GRID1: variants seen among roughly 807,000 people sequenced by gnomAD.
GRID1 encodes the protein glutamate ionotropic receptor delta type subunit 1, also known as glutamate receptor ionotropic, delta-1.
A neutral mutation model predicts 98.0 loss-of-function variants in GRID1; 28 were observed. The observed-to-expected ratio is 0.29, with a 90% confidence interval of 0.21 to 0.39. The LOEUF (loss-of-function observed/expected upper bound fraction) is 0.39. Among genes scored for constraint, GRID1 ranks in the 10% least tolerant of loss-of-function variants. The pLI is 1.00. For missense variants in GRID1, 1,111 were observed against 1,340.5 expected (o/e 0.83, Z 2.67); for synonymous variants, 553 against 538.5 (o/e 1.03, Z -0.37).
chr10:85,712,488 G>A (rs1377281123), intron 12 of GRID1, among the ~76,000 whole-genome samples: 1 of 151,742 alleles, frequency 6.6e-6, no homozygotes, highest in Non-Finnish European at 1.5e-5. Context: ...GGACATCAAT[G>A]CCCCACTTTC....
intron 4 of GRID1, among the ~76,000 whole-genome samples, chr10:86,006,612 G>A (rs1164304509): frequency 3.3e-5 from 5 of 150,738 alleles, no homozygotes; most frequent in Admixed American, 6.6e-5. Context: ...GCGAGACGCC[G>A]TCTAAAAAAA....
intron 15 of GRID1, among the ~76,000 whole-genome samples, chr10:85,608,920 A>T (rs1424923307): frequency 6.6e-6 from 1 of 152,194 alleles, no homozygotes; most frequent in Admixed American, 6.5e-5. Context: ...TTCTCAGGCC[A>T]GGCTGTTTCC....
At chr10:86,262,582 C>A (rs1847032664) in intron 2 of GRID1, among the ~76,000 whole-genome samples, 2 of 152,184 alleles carry the variant, frequency 1.3e-5, no homozygotes, top group Non-Finnish European at 2.9e-5. Context: ...CACCCCCAAG[C>A]GTTCTCTTAT....
At chr10:85,767,710 G>A (rs1354605354) in intron 8 of GRID1, among the ~76,000 whole-genome samples, 2 of 152,176 alleles carry the variant, frequency 1.3e-5, no homozygotes, top group Non-Finnish European at 2.9e-5. Flanking sequence ...TTGACAGCTG[G>A]CAATTTCCTC....
At chr10:86,060,556 C>A (rs1843634691) in intron 4 of GRID1, among the ~76,000 whole-genome samples, 1 of 152,188 alleles carries the variant, frequency 6.6e-6, no homozygotes, top group South Asian at 2.1e-4. Flanking sequence ...AAAGTCACAG[C>A]CAGGATTATA....
intron 4 of GRID1, among the ~76,000 whole-genome samples, chr10:85,946,572 C>T (rs1369370241): frequency 1.3e-5 from 2 of 152,176 alleles, no homozygotes; most frequent in African/African-American, 2.4e-5. Flanking sequence ...GAGAAAAATG[C>T]TCAGGCAAAA....
intron 2 of GRID1, among the ~76,000 whole-genome samples, chr10:86,214,644 C>T (rs1846150652): frequency 6.6e-6 from 1 of 152,126 alleles, no homozygotes. Context: ...GGGCAGATTG[C>T]CTGAGCTTGG....
At position 86,206,478 on chromosome 10, in the gene GRID1, C is replaced by T. The variant is rs777504912; in HGVS notation, c.406G>A (p.Gly136Ser). 44 of 1,614,070 alleles carry T rather than the reference C, an allele frequency of 2.7e-5. No homozygotes were observed. In the African/African-American group the frequency reaches 5.3e-4, roughly 20 times the overall value. Residue 136 changes from glycine to serine, a missense_variant, in exon 3 of 16, where the codon GGT (glycine) becomes AGT (serine). Transcript: ENST00000327946. This position sits in a 1 kb window ranked among gnomAD's most constrained non-coding sequence, Gnocchi z 4.1. ...TACHLNPSPD[G>S]EAYTLASRPP... is the part of the protein sequence containing the mutation. ...CTCGAAGCCAGTGTGTAGGCCTCAC[C>T]ATCGGGGCTGGGGTTCAGGTGGCAT...
At chr10:85,663,818 A>G (rs1043014002) in intron 12 of GRID1, among the ~76,000 whole-genome samples, 1 of 152,226 alleles carries the variant, frequency 6.6e-6, no homozygotes, top group Non-Finnish European at 1.5e-5. Context: ...CTGGTCATAG[A>G]CAACTGTTGC....
intron 2 of GRID1, among the ~76,000 whole-genome samples, chr10:86,312,220 G>A (rs1287268689): frequency 6.6e-6 from 1 of 152,234 alleles, no homozygotes; most frequent in African/African-American, 2.4e-5. Flanking sequence ...TGACATCAGA[G>A]TCATTTCACT....
Position 85,770,750 on chromosome 10 carries a change from T to A in GRID1, c.1234-41136A>T, listed in dbSNP as rs558445327. On this transcript the variant is annotated intron_variant, in intron 8 of 15. Coordinates refer to ENST00000327946, the MANE Select transcript of GRID1 (RefSeq NM_017551.3). ...GTGATGGAAGATGAAATGAATGAAA[T>A]GAAGTGAGAAGGGAAGTTTAGAGAA... 3.2e-3 allele frequency among the ~76,000 whole-genome samples: 482 copies of A among 151,800 alleles called. 3 individuals carry two copies. Among genetic ancestry groups the A allele is most frequent in the African/African-American group, 0.011 (463 of 41,358 alleles).
intron 4 of GRID1, among the ~76,000 whole-genome samples, chr10:85,956,581 C>T (rs1842197026): frequency 6.6e-6 from 1 of 152,102 alleles, no homozygotes. Flanking sequence ...GGTTTGGGCT[C>T]ATGCATGTGG....
At chr10:85,985,960 T>G (rs1350961832) in intron 4 of GRID1, among the ~76,000 whole-genome samples, 2 of 152,174 alleles carry the variant, frequency 1.3e-5, no homozygotes, top group Non-Finnish European at 1.5e-5. Flanking sequence ...AATTCACTCC[T>G]CCAAAGAAGA....
intron 12 of GRID1, chr10:85,647,602 A>G (rs1035513134): frequency 1.8e-6 from 1 of 565,006 alleles, no homozygotes; most frequent in Non-Finnish European, 3.2e-6. Context: ...GTGTTTTCTC[A>G]GTGCAGATTA....
chr10:85,610,578 C>A (rs1446673980), intron 15 of GRID1, among the ~76,000 whole-genome samples: 1 of 152,240 alleles, frequency 6.6e-6, no homozygotes, highest in Non-Finnish European at 1.5e-5. Flanking sequence ...GCACCCCTAA[C>A]CCCTCTGACC....
chr10:86,268,281 C>T (rs960750465), intron 2 of GRID1, among the ~76,000 whole-genome samples: 1 of 152,232 alleles, frequency 6.6e-6, no homozygotes, highest in East Asian at 1.9e-4. Flanking sequence ...GTGTGATAAG[C>T]ATTTCTTCCC....
chr10:85,934,532 T>G (rs1338870067), intron 4 of GRID1, among the ~76,000 whole-genome samples: 1 of 152,016 alleles, frequency 6.6e-6, no homozygotes, highest in Non-Finnish European at 1.5e-5. Flanking sequence ...CTGGGCTATA[T>G]TCTAAGAGTC....
At chr10:86,006,665 A>G (rs1842864286) in intron 4 of GRID1, among the ~76,000 whole-genome samples, 1 of 152,162 alleles carries the variant, frequency 6.6e-6, no homozygotes, top group Non-Finnish European at 1.5e-5. Context: ...GGACTTTTAC[A>G]TAGGTGAATA....
chr10:85,653,953 T>C (rs1400194923), intron 12 of GRID1, among the ~76,000 whole-genome samples: 2 of 152,154 alleles, frequency 1.3e-5, no homozygotes, highest in Non-Finnish European at 2.9e-5. Flanking sequence ...TATTCTGTTA[T>C]AAGCAAGAAA....
Sources: gnomAD v4.1 joint callset for allele counts (sites outside exome capture counted in the v4.1 genomes callset) on GRCh38, gnomAD v4.1.1 for gene constraint, Gnocchi (gnomAD v3.1) non-coding constraint, MANE v1.5 for transcripts, NCBI Gene and HGNC (gene_info 2026-07-23, HGNC 2026-07-21) for gene names.